USP29: variants seen among roughly 807,000 people sequenced by gnomAD.
The protein encoded by USP29 is ubiquitin specific peptidase 29, also known as ubiquitin carboxyl-terminal hydrolase 29.
For missense variants in USP29, 1,102 were observed against 1,069.0 expected, an observed-to-expected ratio of 1.03 and a Z score of -0.43; for synonymous variants, 386 against 387.4, an observed-to-expected ratio of 1.00 and a Z score of 0.04.
Position 57,129,449 on chromosome 19 carries a change from G to A in USP29, c.774G>A (p.Leu258=). The change falls in exon 4 of 4, where the codon TTG becomes TTA. Residue 258 remains leucine (L), a synonymous_variant. Transcript: ENST00000254181. ...LNAKNGLTSP[L]EPEHSQGDPR... is the part of the protein sequence containing the mutation. ...CCAAAAATGGTTTGACATCTCCATT[G>A]GAACCAGAGCACAGCCAGGGTGACC... The A allele has an allele frequency of 6.2e-7, 1 of 1,614,218 alleles. No homozygotes were observed. The highest frequency in any genetic ancestry group is 8.5e-7 in the Non-Finnish European group (1 of 1,180,044).
chr19:57,129,336 G>A lies in USP29; in HGVS notation c.661G>A (p.Asp221Asn), dbSNP rs2086841568. 6.2e-7 allele frequency: 1 copy of A among 1,614,154 alleles called. No individual in the cohort carries two copies. The highest frequency in any genetic ancestry group is 8.5e-7 in the Non-Finnish European group (1 of 1,180,034). Residue 221 changes from aspartate to asparagine, a missense_variant, in exon 4 of 4, where the codon GAT becomes AAT. By Grantham distance (23) the Asp-to-Asn change is conservative. Coordinates refer to ENST00000254181, the MANE Select transcript of USP29 (RefSeq NM_020903.3). The part of the protein sequence containing the change: ...SSLEDLEKDR[D>N]LKLGPSFNTN... ...TTTAGAGGATTTAGAAAAAGATAGA[G>A]ATTTGAAACTCGGGCCTTCATTCAA...
rs2146949655 is a variant in USP29 at position 57,122,348 on chromosome 19, A to C, written c.-244A>C. On this transcript the variant is annotated 5_prime_UTR_variant, in exon 2 of 4. Transcript: ENST00000254181. ...AGGCGCTATGGAGTCTAATCCAGGC[A>C]CTTTGGAAGGCTGAGGCTGGAGGAT... 1 of 152,228 alleles carries C rather than the reference A, an allele frequency of 6.6e-6. No individual in the cohort carries two copies. The highest frequency in any genetic ancestry group is 2.1e-4 in the South Asian group (1 of 4,822). 9.4% of individuals were successfully genotyped at this position (152,228 alleles called of 1,614,324 possible).
At chr19:57,127,849 T>C (rs755549545) in intron 3 of USP29, among the ~76,000 whole-genome samples, 4 of 152,118 alleles carry the variant, frequency 2.6e-5, no homozygotes, top group Non-Finnish European at 4.4e-5. Context: ...CTCTTGCAAC[T>C]AGCTCGGTGT....
chr19:57,128,202 T>C (rs933696339), intron 3 of USP29, among the ~76,000 whole-genome samples: 3 of 152,184 alleles, frequency 2.0e-5, no homozygotes, highest in Admixed American at 6.5e-5. Context: ...AGCGGAGCTG[T>C]TCCTATTTGG....
chr19:57,123,952 A>C (rs1243193139), intron 2 of USP29, 87 bp from the exon 3 acceptor site: 1 of 152,198 alleles, frequency 6.6e-6, no homozygotes, highest in Non-Finnish European at 1.5e-5. Context: ...TAATGCAATA[A>C]ATTAACATGA....
chr19:57,120,084 T>C lies in USP29; in HGVS notation c.-413T>C, dbSNP rs529872275. ...TGGGAGCCGGAAGTCCAAGGAACTGTACCTCCATCATGACGACTCCGGTTA... is the reference window on the plus strand; with the variant it reads ...TGGGAGCCGGAAGTCCAAGGAACTGCACCTCCATCATGACGACTCCGGTTA... On this transcript the variant is annotated 5_prime_UTR_variant, in exon 1 of 4. Transcript: ENST00000254181. 8 of 152,468 alleles carry C rather than the reference T, an allele frequency of 5.2e-5. No homozygotes were observed. Among genetic ancestry groups the C allele is most frequent in the South Asian group, 2.1e-4 (1 of 4,834 alleles). 9.4% of individuals were successfully genotyped at this position (152,468 alleles called of 1,614,324 possible). A position where few individuals can be genotyped will look rare whatever the true frequency, so the allele number is the denominator to read the frequency against.
chr19:57,129,571 T>G lies in USP29; in HGVS notation c.896T>G (p.Val299Gly). Residue 299 changes from valine (V) to glycine (G), a missense_variant, in exon 4 of 4, where the codon GTT becomes GGT. By Grantham distance (109) the Val-to-Gly change is moderately radical. Transcript: ENST00000254181. ...NLGNTCYMNA[V>G]LQSLFAIPSF... is the part of the protein sequence containing the mutation. Reference sequence around the variant, plus strand: ...GGAAACACCTGTTACATGAATGCAGTTTTACAATCGCTATTTGCAATTCCA... The same window carrying G: ...GGAAACACCTGTTACATGAATGCAGGTTTACAATCGCTATTTGCAATTCCA... 6.2e-7 allele frequency: 1 copy of G among 1,614,188 alleles called. No homozygotes were observed. Among genetic ancestry groups the G allele is most frequent in the Non-Finnish European group, 8.5e-7 (1 of 1,180,034 alleles).
rs1369396729 is a variant in USP29 at position 57,129,346 on chromosome 19, T to G, written c.671T>G (p.Leu224Arg). The change falls in exon 4 of 4, where the codon CTC (leucine) becomes CGC (arginine). Residue 224 changes from leucine to arginine, a missense_variant. Physicochemically the swap from Leu to Arg is moderately radical, Grantham distance 102. Transcript: ENST00000254181. ...EDLEKDRDLK[L>R]GPSFNTNCNG... ...TTAGAAAAAGATAGAGATTTGAAACTCGGGCCTTCATTCAATACCAACTGT... is the reference window on the plus strand; with the variant it reads ...TTAGAAAAAGATAGAGATTTGAAACGCGGGCCTTCATTCAATACCAACTGT... 1 of 1,614,158 alleles carries G rather than the reference T, an allele frequency of 6.2e-7. No individual in the cohort carries two copies. The highest frequency in any genetic ancestry group is 1.3e-5 in the African/African-American group (1 of 75,050).
Position 57,124,484 on chromosome 19 carries a change from C to CTT in USP29, c.-17+350_-17+351dup, listed in dbSNP as rs1568454729. ...TTTGTGGGGTTTTTTTTTTGGTTTT[C>CTT]TTTTTTGTTTTTTTTTTGTTTTTGT... On this transcript the variant is annotated intron_variant, in intron 3 of 3. Transcript: ENST00000254181. Among the ~76,000 whole-genome samples, 6 of 140,132 alleles carry CTT rather than the reference C, an allele frequency of 4.3e-5. No homozygotes were observed. In the East Asian group the frequency reaches 1.8e-3, roughly 42 times the overall value. 91.9% of individuals were successfully genotyped at this position (140,132 alleles called of 152,430 possible). A position where few individuals can be genotyped will look rare whatever the true frequency, so the allele number is the denominator to read the frequency against.
chr19:57,122,315 TCTC>T lies in USP29; in HGVS notation c.-267-5_-267-3del, dbSNP rs2146949635. 1 of 152,040 alleles carries T rather than the reference TCTC, an allele frequency of 6.6e-6. No individual in the cohort carries two copies. The highest frequency in any genetic ancestry group is 2.4e-5 in the African/African-American group (1 of 41,488). 9.4% of individuals were successfully genotyped at this position (152,040 alleles called of 1,614,324 possible). On this transcript the variant is annotated splice_region_variant and splice_polypyrimidine_tract_variant and intron_variant, in intron 1 of 3. Coordinates refer to ENST00000254181, the MANE Select transcript of USP29 (RefSeq NM_020903.3). ...CACTGTCAGACTCAACTTCCATCAT[TCTC>T]CTCCAGGCGCTATGGAGTCTAATCC...
At chr19:57,121,118 CAAA>C (rs77731254) in intron 1 of USP29, among the ~76,000 whole-genome samples, 2 of 125,728 alleles carry the variant, frequency 1.6e-5, no homozygotes, top group Non-Finnish European at 1.7e-5. Flanking sequence ...CACCTCCCGC[CAAA>C]AAAAAAAAAG....
rs1030115526 is a variant in USP29, at chr19:57,131,661, A to T, written c.*217A>T. 1.0e-5 allele frequency: 7 copies of T among 682,182 alleles called. No individual in the cohort carries two copies. The Admixed American group carries it at 2.1e-4, about 21-fold the overall frequency. The allele number at this position is 682,182 out of a possible 1,614,324, so 42.3% of individuals were successfully genotyped here. On this transcript the variant is annotated 3_prime_UTR_variant, in exon 4 of 4. Coordinates refer to ENST00000254181, the MANE Select transcript of USP29 (RefSeq NM_020903.3). Reference sequence around the variant, plus strand: ...TGCATATTTTCCCTGCAAGATTAGAATGGTGCTCTTCACGTTTTGACGGTG... The same window carrying T: ...TGCATATTTTCCCTGCAAGATTAGATTGGTGCTCTTCACGTTTTGACGGTG...
At chr19:57,119,171 C>T (rs1029398284), upstream of USP29, 2 of 152,260 alleles carry the variant, frequency 1.3e-5, no homozygotes, top group African/African-American at 4.8e-5. Flanking sequence ...CTAAGCGCGC[C>T]CAAAGCGACC....
At chr19:57,119,941 G>A (rs1377263317), upstream of USP29, 1 of 152,318 alleles carries the variant, frequency 6.6e-6, no homozygotes, top group Non-Finnish European at 1.5e-5. Flanking sequence ...TAGGTCGGGA[G>A]GCCTGCGCCC....
Position 57,129,584 on chromosome 19 carries a change from A to AT in USP29, c.912dup (p.Ala305CysfsTer7), listed in dbSNP as rs773860261. ...ACATGAATGCAGTTTTACAATCGCT[A>AT]TTTGCAATTCCATCTTTTGCTGATG... On this transcript the variant is annotated frameshift_variant, in exon 4 of 4. Coordinates refer to ENST00000254181, the MANE Select transcript of USP29 (RefSeq NM_020903.3). LOFTEE classifies it low-confidence loss of function (END_TRUNC). The AT allele has an allele frequency of 1.9e-6, 3 of 1,614,048 alleles. No individual in the cohort carries two copies. In the African/African-American group the frequency reaches 4.0e-5, roughly 22 times the overall value.
Position 57,129,930 on chromosome 19 carries a change from GTGTT to G in USP29, c.1262_1265del (p.Val421AlafsTer27), listed in dbSNP as rs1455919244. On this transcript the variant is annotated frameshift_variant, in exon 4 of 4. Transcript: ENST00000254181. LOFTEE classifies it low-confidence loss of function (END_TRUNC). ...GCATGTTGGTAGTGCTGCCACCAAA[GTGTT>G]TGTTTGCCCTGTTGTTGCTAATTTT... The G allele has an allele frequency of 6.2e-7, 1 of 1,614,064 alleles. No individual in the cohort carries two copies. Among genetic ancestry groups the G allele is most frequent in the Admixed American group, 1.7e-5 (1 of 60,000 alleles).
rs1306216522 is a variant in USP29, at chr19:57,130,405, T to C, written c.1730T>C (p.Leu577Ser). 5.0e-6 allele frequency: 8 copies of C among 1,614,060 alleles called. No homozygotes were observed. In the East Asian group the frequency reaches 1.6e-4, roughly 31 times the overall value. The change falls in exon 4 of 4, where the codon TTG (leucine) becomes TCG (serine). Residue 577 changes from leucine to serine, a missense_variant. Transcript: ENST00000254181. Reference sequence around the variant, plus strand: ...ATGATTTCTGAGATCAACAGCCCATTGACACCATCAATGAAGCTGACCTCA... The same window carrying C: ...ATGATTTCTGAGATCAACAGCCCATCGACACCATCAATGAAGCTGACCTCA... The part of the protein sequence containing the change: ...QEMISEINSP[L>S]TPSMKLTSES...
At position 57,128,735 on chromosome 19, in the gene USP29, T is replaced by C; in HGVS notation, c.60T>C (p.Thr20=). The C allele has an allele frequency of 6.2e-7, 1 of 1,611,424 alleles. No individual in the cohort carries two copies. The highest frequency in any genetic ancestry group is 1.1e-5 in the South Asian group (1 of 90,104). The part of the protein sequence containing the change: ...IQIWSQKTGM[T]KLKEALIETV... ...TTTGGAGCCAGAAGACTGGGATGAC[T>C]AAGCTGAAAGAAGCTCTCATTGAAA... is the stretch of plus-strand genomic sequence containing the variant. Residue 20 remains threonine (T), a synonymous_variant, in exon 4 of 4, where the codon ACT becomes ACC. Coordinates refer to ENST00000254181, the MANE Select transcript of USP29 (RefSeq NM_020903.3).
At position 57,129,374 on chromosome 19, in the gene USP29, T is replaced by A; in HGVS notation, c.699T>A (p.Asn233Lys). The A allele has an allele frequency of 6.2e-7, 1 of 1,614,182 alleles. No individual in the cohort carries two copies. Among genetic ancestry groups the A allele is most frequent in the Non-Finnish European group, 8.5e-7 (1 of 1,180,034 alleles). ...GGCCTTCATTCAATACCAACTGTAA[T>A]GGAAATCCTAACCTAGATGAGACTG... ...KLGPSFNTNC[N>K]GNPNLDETVL... Residue 233 changes from asparagine to lysine, a missense_variant, in exon 4 of 4, where the codon AAT (asparagine) becomes AAA (lysine). Transcript: ENST00000254181.
Sources: gnomAD v4.1 joint callset for allele counts (sites outside exome capture counted in the v4.1 genomes callset) on GRCh38, gnomAD v4.1.1 for gene constraint, MANE v1.5 for transcripts, NCBI Gene and HGNC (gene_info 2026-07-23, HGNC 2026-07-21) for gene names.